Variants in IL1RAPL1 observed in about 807,000 individuals in gnomAD.
The protein encoded by IL1RAPL1 is interleukin 1 receptor accessory protein like 1.
A neutral mutation model predicts 48.4 loss-of-function variants in IL1RAPL1; 3 were observed. The ratio of observed to expected loss-of-function variants is 0.06; its 90% CI spans 0.03 to 0.16. IL1RAPL1 has a LOEUF of 0.16. Among genes scored for constraint, IL1RAPL1 ranks in the 10% least tolerant of loss-of-function variants. The pLI, the probability that IL1RAPL1 is intolerant of heterozygous loss-of-function variation, is 1.00. For synonymous variants in IL1RAPL1, 185 were observed against 187.7 expected (o/e 0.99, Z 0.12); for missense variants, 349 against 530.6 (o/e 0.66, Z 3.36).
chrX:29,051,545 A>G (rs1211877799), intron 2 of IL1RAPL1, among the ~76,000 whole-genome samples: 5 of 112,470 alleles, frequency 4.4e-5, no homozygotes, highest in Admixed American at 2.8e-4. Flanking sequence ...AAACCATAAG[A>G]AAATACCTGA....
chrX:29,159,698 TA>T (rs1348517024), intron 2 of IL1RAPL1, among the ~76,000 whole-genome samples: 3 of 112,034 alleles, frequency 2.7e-5, no homozygotes, highest in Non-Finnish European at 5.6e-5. Flanking sequence ...ACTCTAGGAT[TA>T]ATTTCCAGAT....
chrX:28,891,762 A>G (rs1922775912), intron 2 of IL1RAPL1, among the ~76,000 whole-genome samples: 1 of 110,995 alleles, frequency 9.0e-6, no homozygotes, highest in African/African-American at 3.3e-5. Flanking sequence ...TTGTGTGGAG[A>G]TATTGGTGGT....
chrX:29,593,111 C>A (rs937634324), intron 5 of IL1RAPL1, among the ~76,000 whole-genome samples: 13 of 111,779 alleles, frequency 1.2e-4, no homozygotes, highest in African/African-American at 3.9e-4. Context: ...TTTTCCCCAG[C>A]CATGGTGTTT....
At chrX:28,992,916 A>G (rs1925644787) in intron 2 of IL1RAPL1, among the ~76,000 whole-genome samples, 1 of 112,074 alleles carries the variant, frequency 8.9e-6, no homozygotes, top group Admixed American at 9.5e-5. Flanking sequence ...AATCTAGTGC[A>G]AAGCCCTGAG....
chrX:29,941,538 C>T (rs1933127516), intron 8 of IL1RAPL1, 113 bp from the exon 9 acceptor site: 34 of 778,770 alleles, frequency 4.4e-5, no homozygotes, highest in Non-Finnish European at 6.3e-5. Context: ...GTTGTGTCAA[C>T]CCGTTAACCC....
rs942365715 is a variant in IL1RAPL1 at position 29,122,288 on chromosome X, A to C, written c.83-160650A>C. The stretch of plus-strand genomic sequence containing the variant: ...ACATGTAATGTAAACCTGTATTAAT[A>C]GATTAGATGAAATATTATTTTCTAA... On this transcript the variant is annotated intron_variant, in intron 2 of 10. Transcript: ENST00000378993. Among the ~76,000 whole-genome samples, 12 of 111,087 alleles carry C rather than the reference A, an allele frequency of 1.1e-4. No homozygotes were observed. The South Asian group carries it at 4.6e-3, about 42-fold the overall frequency.
chrX:29,282,609 A>G (rs185350810), intron 2 of IL1RAPL1, among the ~76,000 whole-genome samples: 87 of 112,262 alleles, frequency 7.7e-4, no homozygotes, highest in African/African-American at 2.7e-3. Context: ...AACATATCTC[A>G]AAGGCCCAGA....
Position 29,908,025 on chromosome X carries a change from A to G in IL1RAPL1, c.779-9439A>G, listed in dbSNP as rs73456472. Reference sequence around the variant, plus strand: ...TCTCTTAGAGAATAAGATTAAAAAAATTTAAATCACATTAACTATAGCTAA... The same window carrying G: ...TCTCTTAGAGAATAAGATTAAAAAAGTTTAAATCACATTAACTATAGCTAA... On this transcript the variant is annotated intron_variant, in intron 6 of 10. Coordinates refer to ENST00000378993, the MANE Select transcript of IL1RAPL1 (RefSeq NM_014271.4). Among the ~76,000 whole-genome samples the G allele has an allele frequency of 9.2e-3, 1,025 of 111,484 alleles. 13 individuals carry two copies. The highest frequency in any genetic ancestry group is 0.032 in the African/African-American group (971 of 30,739).
chrX:28,980,004 G>T (rs1236846893), intron 2 of IL1RAPL1, among the ~76,000 whole-genome samples: 2 of 112,138 alleles, frequency 1.8e-5, no homozygotes, highest in East Asian at 5.6e-4. Flanking sequence ...AATGAGTATT[G>T]TAGGTATAGT....
chrX:29,612,067 G>C (rs1334498300), intron 5 of IL1RAPL1, among the ~76,000 whole-genome samples: 1 of 111,109 alleles, frequency 9.0e-6, no homozygotes, highest in Non-Finnish European at 1.9e-5. Flanking sequence ...GTAACATTTG[G>C]ATGCAAAAAC....
intron 1 of IL1RAPL1, among the ~76,000 whole-genome samples, chrX:28,722,856 C>G (rs993856462): frequency 2.7e-5 from 3 of 111,308 alleles, no homozygotes; most frequent in Non-Finnish European, 5.7e-5. Context: ...AAAATCATGT[C>G]GTTTTTGTCT....
chrX:29,507,355 CCCCTTCTCTCCCCTCCCTT>C (rs1935343458), intron 5 of IL1RAPL1, among the ~76,000 whole-genome samples: 1 of 40,079 alleles, frequency 2.5e-5, no homozygotes, highest in Non-Finnish European at 4.9e-5. Flanking sequence ...TCTCTTCCCT[CCCCTTCTCTCCCCTCCCTT>C]CCCTCCCCTT....
At chrX:29,766,454 A>AATATATATATTTATATATCCAAAT (rs1928907929) in intron 6 of IL1RAPL1, among the ~76,000 whole-genome samples, 1 of 89,210 alleles carries the variant, frequency 1.1e-5, no homozygotes, top group Non-Finnish European at 2.1e-5. Context: ...TATATGTCCA[A>AATATATATATTTATATATCCAAAT]ATATATATAT....
chrX:29,372,659 A>G (rs1480518199), intron 3 of IL1RAPL1, among the ~76,000 whole-genome samples: 6 of 109,754 alleles, frequency 5.5e-5, no homozygotes, highest in Non-Finnish European at 1.1e-4. Flanking sequence ...AGCACCATTT[A>G]TTGAATAGGA....
intron 6 of IL1RAPL1, among the ~76,000 whole-genome samples, chrX:29,690,498 A>C (rs1474478201): frequency 2.7e-5 from 3 of 111,563 alleles, no homozygotes; most frequent in Non-Finnish European, 3.8e-5. Flanking sequence ...CCTCTGAGTA[A>C]TCAGCTGATA....
intron 2 of IL1RAPL1, among the ~76,000 whole-genome samples, chrX:28,991,156 C>T (rs1925593506): frequency 9.0e-6 from 1 of 111,650 alleles, no homozygotes; most frequent in African/African-American, 3.3e-5. Context: ...GAGACAGGAA[C>T]ATATCAATAG....
At chrX:28,884,989 T>G (rs2147316011) in intron 2 of IL1RAPL1, among the ~76,000 whole-genome samples, 1 of 111,295 alleles carries the variant, frequency 9.0e-6, no homozygotes, top group Admixed American at 9.7e-5. Flanking sequence ...GGTTAAAAAT[T>G]TTATTTAGCT....
chrX:28,979,364 G>A (rs1016151065), intron 2 of IL1RAPL1, among the ~76,000 whole-genome samples: 2 of 112,099 alleles, frequency 1.8e-5, no homozygotes, highest in Non-Finnish European at 3.8e-5. Flanking sequence ...ATACTTTCAT[G>A]TGTAGTCAGG....
At chrX:29,045,245 G>A (rs1436019791) in intron 2 of IL1RAPL1, among the ~76,000 whole-genome samples, 1 of 111,440 alleles carries the variant, frequency 9.0e-6, no homozygotes, top group Non-Finnish European at 1.9e-5. Context: ...GTTTTAACTT[G>A]GATACTTCAA....
Sources: allele counts gnomAD v4.1 joint callset (sites outside exome capture counted in the v4.1 genomes callset), GRCh38; gene constraint gnomAD v4.1.1; transcripts MANE v1.5; gene names NCBI Gene and HGNC (gene_info 2026-07-23, HGNC 2026-07-21).